Variants in TMEM135 observed in about 807,000 individuals in gnomAD.
TMEM135 encodes peroxisomal membrane protein 52.
A neutral mutation model predicts 60.3 loss-of-function variants in TMEM135; 30 were observed. The observed-to-expected ratio is 0.50, with a 90% CI of 0.37 to 0.68. The LOEUF (loss-of-function observed/expected upper bound fraction) is 0.68. Among genes scored for constraint, TMEM135 ranks in the 30% least tolerant of loss-of-function variants. The pLI is 0.00. For synonymous variants in TMEM135, 190 were observed against 186.7 expected, an observed-to-expected ratio of 1.02 and a Z score of -0.14; for missense variants, 468 against 548.8, an observed-to-expected ratio of 0.85 and a Z score of 1.47.
chr11:87,216,624 T>C (rs1449851253), intron 5 of TMEM135, among the ~76,000 whole-genome samples: 1 of 152,174 alleles, frequency 6.6e-6, no homozygotes, highest in Non-Finnish European at 1.5e-5. Context: ...GAGCAAAGAG[T>C]TTCTTTGCTT....
chr11:87,295,342 G>A (rs1321191234), intron 6 of TMEM135, among the ~76,000 whole-genome samples: 8 of 152,128 alleles, frequency 5.3e-5, no homozygotes, highest in African/African-American at 1.7e-4. Context: ...TGTATATTAT[G>A]AATACTGTGC....
chr11:87,095,426 C>G (rs1218120385), intron 4 of TMEM135: 1 of 210,232 alleles, frequency 4.8e-6, no homozygotes, highest in Non-Finnish European at 1.0e-5. Context: ...CACTAACTCT[C>G]TCTCTTGGGG....
At chr11:87,216,335 C>A (rs538841345) in intron 5 of TMEM135, among the ~76,000 whole-genome samples, 1 of 152,214 alleles carries the variant, frequency 6.6e-6, no homozygotes, top group East Asian at 1.9e-4. Flanking sequence ...GTGTGAATTT[C>A]TCTCTCCTGC....
chr11:87,314,692 T>A, intron 12 of TMEM135, 145 bp downstream of exon 12: 1 of 685,016 alleles, frequency 1.5e-6, no homozygotes, highest in African/African-American at 1.8e-5. Context: ...CCCTGTGTTT[T>A]TCTTTGTGTG....
chr11:87,291,629 C>T (rs1942265796), intron 6 of TMEM135, among the ~76,000 whole-genome samples: 1 of 149,300 alleles, frequency 6.7e-6, no homozygotes, highest in Non-Finnish European at 1.5e-5. Flanking sequence ...CCTCCTGCCA[C>T]CTCCCCAGTT....
intron 5 of TMEM135, among the ~76,000 whole-genome samples, chr11:87,171,709 ATACCC>A (rs2135289681): frequency 6.6e-6 from 1 of 152,296 alleles, no homozygotes; most frequent in Admixed American, 6.5e-5. Flanking sequence ...GCAGCTTTGT[ATACCC>A]TTTCTGCCTA....
chr11:87,059,167 C>A (rs1949922207), intron 1 of TMEM135, among the ~76,000 whole-genome samples: 1 of 151,968 alleles, frequency 6.6e-6, no homozygotes, highest in Non-Finnish European at 1.5e-5. Context: ...GAACTCCTGA[C>A]CTCAGGCGAT....
chr11:87,257,147 C>G (rs1028352466), intron 6 of TMEM135, among the ~76,000 whole-genome samples: 3 of 152,164 alleles, frequency 2.0e-5, no homozygotes, highest in African/African-American at 7.2e-5. Flanking sequence ...CTGGAATCCT[C>G]TTTTGCATGC....
At chr11:87,238,931 A>G (rs1004747680) in intron 6 of TMEM135, among the ~76,000 whole-genome samples, 1 of 152,010 alleles carries the variant, frequency 6.6e-6, no homozygotes, top group African/African-American at 2.4e-5. Context: ...ACTTAAAGAC[A>G]TATGTGATTA....
intron 5 of TMEM135, among the ~76,000 whole-genome samples, chr11:87,197,566 A>G (rs1281776231): frequency 6.6e-6 from 1 of 151,660 alleles, no homozygotes; most frequent in Non-Finnish European, 1.5e-5. Context: ...TTTCTTTATG[A>G]TGGGACTTTC....
chr11:87,213,046 A>T (rs1940413576), intron 5 of TMEM135, among the ~76,000 whole-genome samples: 1 of 152,136 alleles, frequency 6.6e-6, no homozygotes. Flanking sequence ...TCTTGTGATT[A>T]TAATCTGGGT....
intron 4 of TMEM135, among the ~76,000 whole-genome samples, chr11:87,152,705 C>G (rs892836746): frequency 6.6e-6 from 1 of 152,238 alleles, no homozygotes; most frequent in African/African-American, 2.4e-5. Flanking sequence ...TCCCAAGGTG[C>G]TGGGATTACA....
intron 6 of TMEM135, among the ~76,000 whole-genome samples, chr11:87,262,752 G>A (rs950589920): frequency 1.3e-5 from 2 of 152,254 alleles, no homozygotes; most frequent in Admixed American, 6.5e-5. Flanking sequence ...ATTTTGAGCC[G>A]TGAGCGGAGG....
chr11:87,042,959 G>GT (rs59843545), intron 1 of TMEM135, among the ~76,000 whole-genome samples: 49,488 of 141,006 alleles, frequency 0.35, 9,247 homozygotes, highest in East Asian at 0.7. Flanking sequence ...GTTTTGTTTT[G>GT]TTTTTTTTTT....
chr11:87,286,000 A>G (rs994542169), intron 6 of TMEM135, among the ~76,000 whole-genome samples: 4 of 152,042 alleles, frequency 2.6e-5, no homozygotes, highest in African/African-American at 9.7e-5. Context: ...TCCTCACCAG[A>G]TTAGCTAGTT....
chr11:87,298,648 A>T (rs1180711707), intron 7 of TMEM135, among the ~76,000 whole-genome samples: 1 of 151,706 alleles, frequency 6.6e-6, no homozygotes, highest in East Asian at 1.9e-4. Context: ...TTAGCCAGGC[A>T]TGGTGGTGGG....
At chr11:87,222,796 A>G (rs1940668971) in intron 5 of TMEM135, among the ~76,000 whole-genome samples, 1 of 151,680 alleles carries the variant, frequency 6.6e-6, no homozygotes, top group Non-Finnish European at 1.5e-5. Context: ...TAAGAGCGAA[A>G]CTGTCTCAAA....
At chr11:87,236,238 T>G (rs1193914885) in intron 5 of TMEM135, among the ~76,000 whole-genome samples, 1 of 151,930 alleles carries the variant, frequency 6.6e-6, no homozygotes, top group African/African-American at 2.4e-5. Context: ...TTGCAATTTA[T>G]TCTCCTAATA....
intron 4 of TMEM135, chr11:87,095,414 A>G (rs1465313063): frequency 4.7e-6 from 1 of 212,968 alleles, no homozygotes; most frequent in Non-Finnish European, 1.0e-5. Context: ...ATTAGAGTTC[A>G]GCACTAACTC....
Sources: gnomAD v4.1 joint callset for allele counts (sites outside exome capture counted in the v4.1 genomes callset) on GRCh38, gnomAD v4.1.1 for gene constraint, MANE v1.5 for transcripts, NCBI Gene and HGNC (gene_info 2026-07-23, HGNC 2026-07-21) for gene names.